Variants in SAMSN1 observed in about 807,000 individuals in gnomAD.
SAMSN1 encodes the protein SAM domain, SH3 domain and nuclear localization signals 1, also known as SAM domain-containing protein SAMSN-1.
SAMSN1 carries 31 observed loss-of-function variants against 42.0 expected under a neutral mutation model. The ratio of observed to expected loss-of-function variants is 0.74; its 90% CI spans 0.55 to 1.00. The LOEUF is 1.00. SAMSN1 is among the 50% of genes least tolerant of loss of function. The pLI is 0.00. For missense variants in SAMSN1, 464 were observed against 439.4 expected, an observed-to-expected ratio of 1.06 and a Z score of -0.50; for synonymous variants, 178 against 151.9, an observed-to-expected ratio of 1.17 and a Z score of -1.26.
At chr21:14,652,447 G>T (rs1983851373) in intron 1 of SAMSN1, among the ~76,000 whole-genome samples, 1 of 152,022 alleles carries the variant, frequency 6.6e-6, no homozygotes, top group African/African-American at 2.4e-5. Context: ...GGAAAAGACA[G>T]TCTCTTCAAT....
intron 1 of SAMSN1, among the ~76,000 whole-genome samples, chr21:14,654,139 T>C (rs1308398563): frequency 1.3e-5 from 2 of 152,004 alleles, no homozygotes; most frequent in African/African-American, 2.4e-5. Flanking sequence ...TTAGTCTAGT[T>C]ATGACATCAT....
intron 2 of SAMSN1, among the ~76,000 whole-genome samples, chr21:14,618,685 T>C (rs199677502): frequency 1.8e-4 from 18 of 99,742 alleles, no homozygotes; most frequent in African/African-American, 9.6e-4. Context: ...TGTGTGTGTG[T>C]GTGTGTGCGC....
intron 1 of SAMSN1, among the ~76,000 whole-genome samples, chr21:14,538,065 T>C (rs1053131506): frequency 6.6e-6 from 1 of 152,230 alleles, no homozygotes; most frequent in African/African-American, 2.4e-5. Flanking sequence ...TTTAAAATGC[T>C]ATAAATGCTA....
At chr21:14,648,492 A>G (rs541167300) in intron 1 of SAMSN1, among the ~76,000 whole-genome samples, 1 of 152,366 alleles carries the variant, frequency 6.6e-6, no homozygotes, top group South Asian at 2.1e-4. Context: ...AACCTAAAAA[A>G]TGGGAGAAAA....
chr21:14,578,475 G>C (rs1029936581), intron 2 of SAMSN1, among the ~76,000 whole-genome samples: 1 of 151,902 alleles, frequency 6.6e-6, no homozygotes, highest in African/African-American at 2.4e-5. Flanking sequence ...ACAAGGTCAG[G>C]AGTTCAAGAC....
intron 7 of SAMSN1, among the ~76,000 whole-genome samples, chr21:14,488,273 A>G (rs1986527380): frequency 6.6e-6 from 1 of 152,136 alleles, no homozygotes; most frequent in Admixed American, 6.6e-5. Flanking sequence ...TGTTTGGGCC[A>G]ATATTACCTC....
intron 3 of SAMSN1, among the ~76,000 whole-genome samples, chr21:14,516,484 C>T (rs552511958): frequency 1.3e-4 from 20 of 152,272 alleles, no homozygotes; most frequent in East Asian, 3.9e-4. Context: ...CCCCGCCTCC[C>T]GGGTTCAAGC....
chr21:14,532,098 C>T (rs1007316937), intron 1 of SAMSN1, among the ~76,000 whole-genome samples: 3 of 152,144 alleles, frequency 2.0e-5, no homozygotes, highest in African/African-American at 4.8e-5. Context: ...GTAATGTTTC[C>T]GTGAGCTTCC....
intron 3 of SAMSN1, among the ~76,000 whole-genome samples, chr21:14,516,416 G>C (rs991967339): frequency 2.6e-5 from 4 of 151,494 alleles, no homozygotes; most frequent in Non-Finnish European, 5.9e-5. Flanking sequence ...TTTTTGAGAC[G>C]CCATCTTGCT....
intron 7 of SAMSN1, among the ~76,000 whole-genome samples, chr21:14,496,928 A>T (rs1189119155): frequency 6.6e-6 from 1 of 152,234 alleles, no homozygotes; most frequent in East Asian, 1.9e-4. Context: ...AGTGTATAGG[A>T]AACGTGTGCT....
chr21:14,511,855 A>G lies in SAMSN1; in HGVS notation c.409+589T>C, dbSNP rs573846439. Among the ~76,000 whole-genome samples, 57 of 152,354 alleles carry G rather than the reference A, an allele frequency of 3.7e-4. No homozygotes were observed. The East Asian group carries it at 9.4e-3, about 25-fold the overall frequency. On this transcript the variant is annotated intron_variant, in intron 4 of 7. Coordinates refer to ENST00000400566, the MANE Select transcript of SAMSN1 (RefSeq NM_022136.5). ...ATCCCTTTTTGCCACCTAATTGGTCATAGTCCTACCATTTATTATTTGCAT... is the reference window on the plus strand; with the variant it reads ...ATCCCTTTTTGCCACCTAATTGGTCGTAGTCCTACCATTTATTATTTGCAT...
intron 2 of SAMSN1, among the ~76,000 whole-genome samples, chr21:14,564,017 C>T (rs906544552): frequency 2.0e-5 from 3 of 152,148 alleles, no homozygotes; most frequent in African/African-American, 7.2e-5. Flanking sequence ...TTTTGTCATT[C>T]CTTTACCCCA....
rs946268548 is a variant in SAMSN1, at chr21:14,539,512, G to A, written c.57+6693C>T. On this transcript the variant is annotated intron_variant, in intron 1 of 7. Transcript: ENST00000400566. ...TACACACCAATAACAGACAAACAGA[G>A]AGCCAAATCATGATTGAACTCCCAT... Among the ~76,000 whole-genome samples the A allele has an allele frequency of 6.6e-5, 10 of 152,080 alleles. No homozygotes were observed. In the East Asian group the frequency reaches 1.9e-3, roughly 29 times the overall value.
At chr21:14,583,870 A>C (rs1981837352), upstream of SAMSN1, 3 of 619,092 alleles carry the variant, frequency 4.8e-6, no homozygotes, top group East Asian at 8.6e-5. Flanking sequence ...AAAAATTAAT[A>C]ATGTGACCTT....
At chr21:14,583,476 G>C, upstream of SAMSN1, 1 of 549,602 alleles carries the variant, frequency 1.8e-6, no homozygotes, top group Non-Finnish European at 3.2e-6. Context: ...GCATAAATAC[G>C]GGGTAAAATT....
intron 5 of SAMSN1, among the ~76,000 whole-genome samples, chr21:14,604,408 A>G (rs1057372820): frequency 3.3e-5 from 5 of 152,216 alleles, no homozygotes; most frequent in Admixed American, 6.5e-5. Flanking sequence ...TGTGACTTCC[A>G]AGGTTAGGTT....
intron 2 of SAMSN1, among the ~76,000 whole-genome samples, chr21:14,559,419 A>G (rs1043817603): frequency 6.6e-6 from 1 of 152,196 alleles, no homozygotes; most frequent in Admixed American, 6.5e-5. Context: ...CCACCTTGGA[A>G]AACCCTAATA....
intron 5 of SAMSN1, among the ~76,000 whole-genome samples, chr21:14,508,212 T>C (rs1334176451): frequency 6.6e-6 from 1 of 152,090 alleles, no homozygotes; most frequent in African/African-American, 2.4e-5. Flanking sequence ...TTGCTGAGAC[T>C]TAATTAAACT....
At chr21:14,548,114 G>A (rs376198125), upstream of SAMSN1, among the ~76,000 whole-genome samples, 41 of 152,160 alleles carry the variant, frequency 2.7e-4, no homozygotes, top group African/African-American at 8.7e-4. Flanking sequence ...ATAAAAATAC[G>A]TTTTTAAGTG....
Sources: gnomAD v4.1 joint callset for allele counts (sites outside exome capture counted in the v4.1 genomes callset) on GRCh38, gnomAD v4.1.1 for gene constraint, MANE v1.5 for transcripts, NCBI Gene and HGNC (gene_info 2026-07-23, HGNC 2026-07-21) for gene names.